Variants in HDC observed in about 807,000 individuals in gnomAD.
HDC encodes the protein histidine decarboxylase.
In HDC, 27 loss-of-function variants were observed where a neutral mutation model predicts 64.4. The observed-to-expected ratio is 0.42, with a 90% confidence interval of 0.31 to 0.58. HDC has a LOEUF of 0.58. Among genes scored for constraint, HDC ranks in the 20% least tolerant of loss-of-function variants. HDC has a pLI of 0.16. For synonymous variants in HDC, 305 were observed against 314.2 expected (o/e 0.97, Z 0.31); for missense variants, 711 against 833.9 (o/e 0.85, Z 1.81).
At chr15:50,253,132 C>G (rs1595706144) in intron 7 of HDC, 1 of 401,636 alleles carries the variant, frequency 2.5e-6, no homozygotes, top group East Asian at 5.5e-5. Flanking sequence ...GAAGGTATCT[C>G]TCTTTCCTAG....
In HDC at chr15:50,242,313, T is replaced by C. The variant is rs1158837084; in HGVS notation, c.1936A>G (p.Ser646Gly). ...GGCAGCTGGAGTCCACATTGAGAGCTGCATTCAGGAAAGCTGGGGACGCTG... is the reference window on the plus strand; with the variant it reads ...GGCAGCTGGAGTCCACATTGAGAGCCGCATTCAGGAAAGCTGGGGACGCTG... ...FYSVPSFPEC[S>G]SQCGLQLPCC... is the part of the protein sequence containing the mutation. The change falls in exon 12 of 12, where the codon AGC (serine) becomes GGC (glycine). Residue 646 changes from serine (S) to glycine (G), a missense_variant. By Grantham distance (56) the Ser-to-Gly change is moderately conservative (BLOSUM62 0). Around this residue, in one of 3 missense-constraint regions of HDC, gnomAD observed 483 missense variants for 540.9 expected, o/e 0.89. Coordinates refer to ENST00000267845, the MANE Select transcript of HDC (RefSeq NM_002112.4). 2 of 1,614,080 alleles carry C rather than the reference T, an allele frequency of 1.2e-6. No individual in the cohort carries two copies. Among genetic ancestry groups the C allele is most frequent in the Non-Finnish European group, 1.7e-6 (2 of 1,180,034 alleles).
chr15:50,246,780 T>C (rs1189500062), intron 10 of HDC, among the ~76,000 whole-genome samples: 2 of 152,204 alleles, frequency 1.3e-5, no homozygotes, highest in African/African-American at 4.8e-5. Flanking sequence ...TAATTACTTG[T>C]AACCTCCACC....
At chr15:50,260,067 G>T (rs2045682978) in intron 2 of HDC, among the ~76,000 whole-genome samples, 1 of 150,784 alleles carries the variant, frequency 6.6e-6, no homozygotes, top group Admixed American at 6.6e-5. Context: ...TGTCACCAGG[G>T]CTGGAGTGCA....
intron 3 of HDC, 62 bp downstream of exon 3, chr15:50,258,342 C>T: frequency 1.1e-6 from 1 of 872,134 alleles, no homozygotes; most frequent in Non-Finnish European, 1.9e-6. Context: ...AATATGTCTG[C>T]CCTAGGATAC....
intron 7 of HDC, chr15:50,253,072 C>T: frequency 4.1e-6 from 2 of 485,160 alleles, no homozygotes; most frequent in Non-Finnish European, 7.5e-6. Context: ...AAATCAATTT[C>T]CCACCAGCAC....
chr15:50,255,621 C>A (rs1028882785), intron 4 of HDC, among the ~76,000 whole-genome samples: 5 of 152,026 alleles, frequency 3.3e-5, no homozygotes, highest in Non-Finnish European at 7.4e-5. Flanking sequence ...CATAGTGAGA[C>A]CCTGTCTCTA....
intron 2 of HDC, among the ~76,000 whole-genome samples, chr15:50,259,359 C>T (rs920763920): frequency 2.0e-5 from 3 of 152,198 alleles, no homozygotes; most frequent in Non-Finnish European, 4.4e-5. Flanking sequence ...GGAAAGGAGA[C>T]GGTAGAGAGG....
chr15:50,248,356 G>C lies in HDC; in HGVS notation c.1042-13C>G. On this transcript the variant is annotated splice_polypyrimidine_tract_variant and intron_variant, in intron 9 of 11. Transcript: ENST00000267845. The surrounding 1 kb of genome is among the most constrained non-coding windows in gnomAD (Gnocchi z 4.3). ...GGATCTGCCAGTGCTAGAAACAAAG[G>C]AACACAGTGCCCAAGGTTAGAGACA... is the stretch of plus-strand genomic sequence containing the variant. 1 of 1,596,562 alleles carries C rather than the reference G, an allele frequency of 6.3e-7. No individual in the cohort carries two copies. Among genetic ancestry groups the C allele is most frequent in the Non-Finnish European group, 8.6e-7 (1 of 1,164,272 alleles).
In HDC at chr15:50,243,233, C is replaced by T; in HGVS notation, c.1152G>A (p.Met384Ile). The T allele has an allele frequency of 6.2e-7, 1 of 1,605,638 alleles. No individual in the cohort carries two copies. Among genetic ancestry groups the T allele is most frequent in the Non-Finnish European group, 8.5e-7 (1 of 1,172,188 alleles). The part of the protein sequence containing the change: ...LQAHVRHGTE[M>I]AKYFESLVRN... ...TGACCAGAGATTCAAAATATTTAGC[C>T]ATTTCAGTACCCTGGAATTGCAAGT... Residue 384 changes from methionine to isoleucine, a missense_variant, in exon 11 of 12, where the codon ATG becomes ATA. This residue lies in a region of HDC where 483 missense variants were observed against 540.9 expected (regional missense o/e 0.89). Transcript: ENST00000267845.
rs987384910 is a variant in HDC at position 50,252,780 on chromosome 15, G to T, written c.788-6C>A. 1 of 1,611,422 alleles carries T rather than the reference G, an allele frequency of 6.2e-7. No individual in the cohort carries two copies. The highest frequency in any genetic ancestry group is 8.5e-7 in the Non-Finnish European group (1 of 1,178,852). Reference sequence around the variant, plus strand: ...CCACAGCCCCTCACGGGCACCTGAGGAGGCAAACATCACCTGGCCGGAGGG... The same window carrying T: ...CCACAGCCCCTCACGGGCACCTGAGTAGGCAAACATCACCTGGCCGGAGGG... On this transcript the variant is annotated splice_polypyrimidine_tract_variant and splice_region_variant and intron_variant, in intron 7 of 11. Transcript: ENST00000267845.
At chr15:50,262,078 A>G (rs2045711700) in intron 2 of HDC, among the ~76,000 whole-genome samples, 1 of 152,022 alleles carries the variant, frequency 6.6e-6, no homozygotes, top group African/African-American at 2.4e-5. Context: ...CCTCAGGAAG[A>G]GCCTCTAAAC....
At chr15:50,264,131 T>G (rs1177428404) in intron 1 of HDC, among the ~76,000 whole-genome samples, 2 of 152,222 alleles carry the variant, frequency 1.3e-5, no homozygotes, top group Non-Finnish European at 2.9e-5. Context: ...TTATATCTGT[T>G]AGCACAGATA....
chr15:50,261,092 T>G (rs1157740088), intron 2 of HDC, among the ~76,000 whole-genome samples: 1 of 152,124 alleles, frequency 6.6e-6, no homozygotes, highest in Non-Finnish European at 1.5e-5. Context: ...AGTGACAGTA[T>G]TTTGGAAACC....
In HDC at chr15:50,257,428, C is replaced by T. The variant is rs756543039; in HGVS notation, c.438G>A (p.Leu146=). 7 of 1,614,088 alleles carry T rather than the reference C, an allele frequency of 4.3e-6. No individual in the cohort carries two copies. The highest frequency in any genetic ancestry group is 1.3e-5 in the African/African-American group (1 of 74,934). Reference sequence around the variant, plus strand: ...GAAGCTTTGCCAAGGGAGGTACCTGCAGGACGCCTCCGCCCTGGCTGCTGG... The same window carrying T: ...GAAGCTTTGCCAAGGGAGGTACCTGTAGGACGCCTCCGCCCTGGCTGCTGG... ...HHPSSQGGGV[L]QSTVSESTLI... is the part of the protein sequence containing the mutation. The change falls in exon 4 of 12, where the codon CTG becomes CTA. Residue 146 remains leucine, a synonymous_variant. Coordinates refer to ENST00000267845, the MANE Select transcript of HDC (RefSeq NM_002112.4).
At chr15:50,250,579 C>T (rs555401049) in intron 9 of HDC, among the ~76,000 whole-genome samples, 33 of 152,204 alleles carry the variant, frequency 2.2e-4, no homozygotes, top group African/African-American at 6.3e-4. Context: ...TGAATTTAAA[C>T]GGTAACATGA....
At position 50,248,388 on chromosome 15, in the gene HDC, C is replaced by T. The variant is rs1381468928; in HGVS notation, c.1042-45G>A. ...GTGCCCAAGGTTAGAGACAAGGGTGCCCCACTCCCTCGGGCATTTCTGGGC... is the reference window on the plus strand; with the variant it reads ...GTGCCCAAGGTTAGAGACAAGGGTGTCCCACTCCCTCGGGCATTTCTGGGC... On this transcript the variant is annotated intron_variant, in intron 9 of 11. Transcript: ENST00000267845. The surrounding 1 kb of genome is among the most constrained non-coding windows in gnomAD (Gnocchi z 4.3). The T allele has an allele frequency of 2.2e-6, 3 of 1,382,714 alleles. No homozygotes were observed. The highest frequency in any genetic ancestry group is 3.1e-6 in the Non-Finnish European group (3 of 971,480). The allele number at this position is 1,382,714 out of a possible 1,614,324, so 85.7% of individuals were successfully genotyped here.
intron 9 of HDC, among the ~76,000 whole-genome samples, chr15:50,250,322 A>C (rs1301461855): frequency 6.6e-6 from 1 of 152,162 alleles, no homozygotes; most frequent in African/African-American, 2.4e-5. Context: ...AAAAGATAGC[A>C]ACTTCACTTT....
chr15:50,256,512 C>T (rs917408969), intron 4 of HDC, among the ~76,000 whole-genome samples: 1 of 152,178 alleles, frequency 6.6e-6, no homozygotes, highest in Non-Finnish European at 1.5e-5. Context: ...CCTCAGCATC[C>T]CAAGTAGCTG....
intron 10 of HDC, among the ~76,000 whole-genome samples, chr15:50,243,753 A>T (rs1430093229): frequency 6.6e-6 from 1 of 151,890 alleles, no homozygotes; most frequent in African/African-American, 2.4e-5. Context: ...TGCCTCTCAA[A>T]CCTCTTCTCA....
Sources: gnomAD v4.1 joint callset for allele counts (sites outside exome capture counted in the v4.1 genomes callset) on GRCh38, gnomAD v4.1.1 for gene constraint, gnomAD v4.1.1 regional missense constraint, Gnocchi (gnomAD v3.1) non-coding constraint, MANE v1.5 for transcripts, NCBI Gene and HGNC (gene_info 2026-07-23, HGNC 2026-07-21) for gene names.